The following PCDH9 variants were observed in gnomAD, a reference collection of about 807,000 sequenced individuals.
PCDH9 encodes protocadherin 9.
In PCDH9, 24 loss-of-function variants were observed where a neutral mutation model predicts 70.6. That is an observed-to-expected ratio of 0.34 (90% CI 0.25 to 0.48). The LOEUF is 0.48. PCDH9 is among the 20% of genes least tolerant of loss of function. The probability of loss-of-function intolerance (pLI) is 0.99; values close to 1 mark genes in which losing one functional copy is unlikely to be tolerated. For missense variants in PCDH9, 1,281 were observed against 1,503.6 expected, an observed-to-expected ratio of 0.85 and a Z score of 2.45; for synonymous variants, 562 against 558.5, an observed-to-expected ratio of 1.01 and a Z score of -0.09.
intron 2 of PCDH9, among the ~76,000 whole-genome samples, chr13:66,926,025 T>TCAC: frequency 6.6e-6 from 1 of 152,004 alleles, no homozygotes; most frequent in East Asian, 1.9e-4. Flanking sequence ...ACTAGTTTCC[T>TCAC]CACGTATTTC....
chr13:66,954,759 T>A (rs948927447), intron 2 of PCDH9, among the ~76,000 whole-genome samples: 1 of 152,078 alleles, frequency 6.6e-6, no homozygotes, highest in Non-Finnish European at 1.5e-5. Flanking sequence ...AGATAGAACT[T>A]TTTTTGTTTT....
At chr13:67,022,348 C>T (rs1000307608) in intron 2 of PCDH9, among the ~76,000 whole-genome samples, 4 of 151,406 alleles carry the variant, frequency 2.6e-5, no homozygotes, top group African/African-American at 9.7e-5. Context: ...CTCGAACTCC[C>T]GACCTCAGGT....
intron 2 of PCDH9, among the ~76,000 whole-genome samples, chr13:67,057,586 C>G (rs1286795193): frequency 6.6e-6 from 1 of 151,564 alleles, no homozygotes; most frequent in African/African-American, 2.4e-5. Flanking sequence ...AACTAGTTGG[C>G]GAGTGGGAAT....
At chr13:66,812,354 A>G (rs1056936039) in intron 3 of PCDH9, among the ~76,000 whole-genome samples, 1 of 152,194 alleles carries the variant, frequency 6.6e-6, no homozygotes, top group African/African-American at 2.4e-5. Flanking sequence ...ACTGAACAAA[A>G]AAAAATCCTG....
intron 2 of PCDH9, among the ~76,000 whole-genome samples, chr13:67,019,935 T>C (rs1566367376): frequency 3.9e-5 from 6 of 152,234 alleles, no homozygotes. Flanking sequence ...TTCTACCTAA[T>C]AATTTGCTGC....
At chr13:66,657,827 C>T (rs1287594817) in intron 3 of PCDH9, among the ~76,000 whole-genome samples, 2 of 152,174 alleles carry the variant, frequency 1.3e-5, no homozygotes, top group African/African-American at 2.4e-5. Flanking sequence ...TAGCCTAATG[C>T]TTACTCTTTC....
At position 66,903,544 on chromosome 13, in the gene PCDH9, G is replaced by T. The variant is rs760998507; in HGVS notation, c.3098C>A (p.Thr1033Lys). 1.3e-5 allele frequency: 20 copies of T among 1,582,568 alleles called. No individual in the cohort carries two copies. The highest frequency in any genetic ancestry group is 3.3e-4 in the Middle Eastern group (2 of 6,002). The change falls in exon 3 of 5, where the codon ACG becomes AAG. Residue 1033 changes from threonine to lysine, a missense_variant. This residue lies in a region of PCDH9 where 264 missense variants were observed against 278.8 expected (regional missense o/e 0.95). Coordinates refer to ENST00000377865, the MANE Select transcript of PCDH9 (RefSeq NM_203487.3). ...TTCATTCTCCTGAATGTGGAAACCCGTGGAGCTGGGACATTTCTGAGGAGT... is the reference window on the plus strand; with the variant it reads ...TTCATTCTCCTGAATGTGGAAACCCTTGGAGCTGGGACATTTCTGAGGAGT... ...PVTPQKCPSS[T>K]GFHIQENEES...
intron 3 of PCDH9, among the ~76,000 whole-genome samples, chr13:66,692,653 T>G (rs1437635753): frequency 2.0e-5 from 3 of 152,094 alleles, no homozygotes; most frequent in Non-Finnish European, 4.4e-5. Context: ...AATATTTTAC[T>G]CAAATACTCT....
At chr13:66,954,116 A>G (rs1204457200) in intron 2 of PCDH9, among the ~76,000 whole-genome samples, 1 of 152,200 alleles carries the variant, frequency 6.6e-6, no homozygotes, top group Non-Finnish European at 1.5e-5. Context: ...TCTACCAAGT[A>G]TCAGGAGCTG....
intron 2 of PCDH9, among the ~76,000 whole-genome samples, chr13:67,030,235 T>C (rs188980204): frequency 3.9e-5 from 6 of 152,242 alleles, no homozygotes; most frequent in African/African-American, 1.4e-4. Flanking sequence ...TACACACAAA[T>C]GGGCATAGTT....
chr13:66,323,786 G>A (rs1251159131), intron 4 of PCDH9, among the ~76,000 whole-genome samples: 3 of 151,602 alleles, frequency 2.0e-5, no homozygotes, highest in African/African-American at 4.9e-5. Context: ...TCCTTGAAGC[G>A]CATTCAGGAT....
At chr13:67,177,181 T>G (rs1271836234) in intron 2 of PCDH9, among the ~76,000 whole-genome samples, 1 of 152,160 alleles carries the variant, frequency 6.6e-6, no homozygotes, top group Non-Finnish European at 1.5e-5. Flanking sequence ...AGGATTTGGA[T>G]TCACTTTATT....
chr13:66,797,355 C>T (rs2080259055), intron 3 of PCDH9, among the ~76,000 whole-genome samples: 1 of 151,916 alleles, frequency 6.6e-6, no homozygotes. Flanking sequence ...TAATTTATAC[C>T]CCATAATCTA....
intron 3 of PCDH9, among the ~76,000 whole-genome samples, chr13:66,697,936 T>G (rs2078586237): frequency 6.6e-6 from 1 of 152,330 alleles, no homozygotes; most frequent in South Asian, 2.1e-4. Flanking sequence ...TGTAACATAA[T>G]TCAGTCTTAA....
chr13:66,686,035 G>A (rs1385439590), intron 3 of PCDH9, among the ~76,000 whole-genome samples: 2 of 152,072 alleles, frequency 1.3e-5, no homozygotes, highest in Admixed American at 6.6e-5. Context: ...AAGACTTTGG[G>A]GAACTGTTGG....
At chr13:66,402,702 C>T (rs867810857) in intron 4 of PCDH9, among the ~76,000 whole-genome samples, 7 of 152,208 alleles carry the variant, frequency 4.6e-5, no homozygotes, top group African/African-American at 9.6e-5. Flanking sequence ...CTGCAAACTT[C>T]GGTTTCTCAG....
chr13:66,752,480 A>G (rs2079475924), intron 3 of PCDH9, among the ~76,000 whole-genome samples: 1 of 152,066 alleles, frequency 6.6e-6, no homozygotes, highest in East Asian at 1.9e-4. Flanking sequence ...TATTTTTTGT[A>G]GAGACAGGGT....
At chr13:66,575,607 C>T (rs757608601) in intron 4 of PCDH9, among the ~76,000 whole-genome samples, 1 of 152,122 alleles carries the variant, frequency 6.6e-6, no homozygotes, top group Non-Finnish European at 1.5e-5. Flanking sequence ...TTTTACCTCC[C>T]TCTAGGCCTC....
At chr13:66,476,464 G>A (rs80214000) in intron 4 of PCDH9, among the ~76,000 whole-genome samples, 2,990 of 152,002 alleles carry the variant, frequency 0.02, 92 homozygotes, top group African/African-American at 0.067. Flanking sequence ...TCCATTTGAT[G>A]ATTTGCAATC....
Sources: allele counts gnomAD v4.1 joint callset (sites outside exome capture counted in the v4.1 genomes callset), GRCh38; gene constraint gnomAD v4.1.1; regional missense constraint gnomAD v4.1.1; transcripts MANE v1.5; gene names NCBI Gene and HGNC (gene_info 2026-07-23, HGNC 2026-07-21).